Variants in MDM1 observed in about 807,000 individuals in gnomAD.
MDM1 encodes Mdm1 nuclear protein.
In MDM1, 61 loss-of-function variants were observed where a neutral mutation model predicts 89.1. That is an observed-to-expected ratio of 0.68 (90% CI 0.56 to 0.85). MDM1 has a LOEUF of 0.85. MDM1 is among the 40% of genes least tolerant of loss of function. MDM1 has a pLI of 0.00. For synonymous variants in MDM1, 290 were observed against 294.1 expected (o/e 0.99, Z 0.14); for missense variants, 820 against 846.5 (o/e 0.97, Z 0.39).
At chr12:68,309,179 T>C (rs1176628608) in intron 12 of MDM1, among the ~76,000 whole-genome samples, 2 of 152,232 alleles carry the variant, frequency 1.3e-5, no homozygotes, top group South Asian at 2.1e-4. Context: ...TCCAGCCTCA[T>C]GTTGTACCAG....
At position 68,294,596 on chromosome 12, in the gene MDM1, C is replaced by T. The variant is rs1237396428; in HGVS notation, c.*658G>A. The T allele has an allele frequency of 6.6e-6, 1 of 152,142 alleles. No homozygotes were observed. Among genetic ancestry groups the T allele is most frequent in the Non-Finnish European group, 1.5e-5 (1 of 68,000 alleles). 9.4% of individuals were successfully genotyped at this position (152,142 alleles called of 1,614,324 possible). A position where few individuals can be genotyped will look rare whatever the true frequency, so the allele number is the denominator to read the frequency against. The stretch of plus-strand genomic sequence containing the variant: ...TTGATCCATTTTTATTTCAAAATGT[C>T]TACAAAGTTTTAATTCTCCATTATA... On this transcript the variant is annotated 3_prime_UTR_variant, in exon 15 of 15. Transcript: ENST00000682720.
At chr12:68,313,376 C>T in intron 12 of MDM1, 67 bp downstream of exon 12, 1 of 1,094,356 alleles carries the variant, frequency 9.1e-7, no homozygotes, top group Admixed American at 1.9e-5. Flanking sequence ...ACCCATCATT[C>T]ATTTATTACA....
At chr12:68,318,682 T>A (rs1874816533) in intron 7 of MDM1, among the ~76,000 whole-genome samples, 1 of 152,130 alleles carries the variant, frequency 6.6e-6, no homozygotes, top group Non-Finnish European at 1.5e-5. Context: ...GAACAATCCC[T>A]ATAGCCAACT....
chr12:68,325,300 G>A, intron 4 of MDM1, 141 bp downstream of exon 4: 1 of 1,347,380 alleles, frequency 7.4e-7, no homozygotes, highest in Non-Finnish European at 9.6e-7. Context: ...GATGATTTTA[G>A]CAAAACTCTC....
At chr12:68,314,809 GCCT>G (rs1433643650) in intron 10 of MDM1, 136 bp downstream of exon 10, 5 of 729,742 alleles carry the variant, frequency 6.9e-6, no homozygotes, top group Non-Finnish European at 1.1e-5. Context: ...ATACAGCAGT[GCCT>G]CCTTTGTGAC....
chr12:68,295,077 A>G lies in MDM1; in HGVS notation c.*177T>C. 2.4e-6 allele frequency: 1 copy of G among 415,388 alleles called. No individual in the cohort carries two copies. The highest frequency in any genetic ancestry group is 2.1e-5 in the African/African-American group (1 of 48,626). The allele number at this position is 415,388 out of a possible 1,614,324, so 25.7% of individuals were successfully genotyped here. A position where few individuals can be genotyped will look rare whatever the true frequency, so the allele number is the denominator to read the frequency against. On this transcript the variant is annotated 3_prime_UTR_variant, in exon 15 of 15. Coordinates refer to ENST00000682720, the MANE Select transcript of MDM1 (RefSeq NM_001354969.2). ...GGGATAGATGTAAAAAGAATTCTTT[A>G]AAAGTTAAATTTGTATAAGCCTATG...
intron 14 of MDM1, 67 bp from the exon 15 acceptor site, chr12:68,295,433 T>C: frequency 7.0e-6 from 7 of 998,184 alleles, no homozygotes; most frequent in South Asian, 1.5e-5. Flanking sequence ...CATTGTGTTT[T>C]ATATAACAGA....
In MDM1 at chr12:68,326,744, A is replaced by G; in HGVS notation, c.411T>C (p.Asn137=). The G allele has an allele frequency of 6.2e-7, 1 of 1,614,080 alleles. No homozygotes were observed. ...CTGGTGTATGGTTTGTTACACCCTC[A>G]TTATTTTCCACATCTGAAGCCCCTT... The part of the protein sequence containing the change: ...RAEGASDVEN[N]EGVTNHTPVN... The change falls in exon 3 of 15, where the codon AAT becomes AAC. Residue 137 remains asparagine (N), a synonymous_variant. Coordinates refer to ENST00000682720, the MANE Select transcript of MDM1 (RefSeq NM_001354969.2).
Position 68,297,586 on chromosome 12 carries a change from T to C in MDM1, c.2003-604A>G, listed in dbSNP as rs150968383. Among the ~76,000 whole-genome samples, 243 of 152,304 alleles carry C rather than the reference T, an allele frequency of 1.6e-3. 1 individual carries two copies. The highest frequency in any genetic ancestry group is 5.7e-3 in the African/African-American group (235 of 41,568). The stretch of plus-strand genomic sequence containing the variant: ...TGAACCAGGAAGCTGCCTAAATATG[T>C]TTTTACAAAAATAGTTAATATGCCA... On this transcript the variant is annotated intron_variant, in intron 13 of 14. Transcript: ENST00000682720.
At chr12:68,314,866 G>A in intron 10 of MDM1, 82 bp downstream of exon 10, 7 of 1,196,954 alleles carry the variant, frequency 5.8e-6, no homozygotes, top group Non-Finnish European at 8.3e-6. Context: ...AATCAAAAGA[G>A]TAAACCACTA....
At chr12:68,331,835 C>A (rs963237299) in intron 1 of MDM1, among the ~76,000 whole-genome samples, 1 of 152,176 alleles carries the variant, frequency 6.6e-6, no homozygotes, top group Non-Finnish European at 1.5e-5. Flanking sequence ...ATTTCTCAAG[C>A]CTTTAAAAGC....
In MDM1 at chr12:68,325,523, T is replaced by G. The variant is rs141350676; in HGVS notation, c.551A>C (p.Asn184Thr). 1.1e-5 allele frequency: 18 copies of G among 1,598,952 alleles called. No individual in the cohort carries two copies. In the Middle Eastern group the frequency reaches 5.1e-4, roughly 46 times the overall value. The change falls in exon 4 of 15, where the codon AAT becomes ACT. Residue 184 changes from asparagine (N) to threonine (T), a missense_variant. Transcript: ENST00000682720. Reference sequence around the variant, plus strand: ...TTGATATTCAGAATTTCTCAAGGCATTATATGAAGGAACAACAGTCAATCC... The same window carrying G: ...TTGATATTCAGAATTTCTCAAGGCAGTATATGAAGGAACAACAGTCAATCC... ...KAGLTVVPSY[N>T]ALRNSEYQRQ... is the part of the protein sequence containing the mutation.
intron 4 of MDM1, among the ~76,000 whole-genome samples, chr12:68,324,299 C>T (rs1875649957): frequency 6.6e-6 from 1 of 151,968 alleles, no homozygotes; most frequent in Non-Finnish European, 1.5e-5. Context: ...CTATAAAAAA[C>T]TGAATAATTA....
chr12:68,316,260 A>G lies in MDM1; in HGVS notation c.1036-7T>C, dbSNP rs1241185791. On this transcript the variant is annotated splice_polypyrimidine_tract_variant and splice_region_variant and intron_variant, in intron 8 of 14. Transcript: ENST00000682720. The stretch of plus-strand genomic sequence containing the variant: ...TTTCTCGGAGTTCTTTAACCTATTC[A>G]GGAGAGTTCAGACATCATATACTAT... 6.2e-7 allele frequency: 1 copy of G among 1,610,172 alleles called. No individual in the cohort carries two copies. The highest frequency in any genetic ancestry group is 8.5e-7 in the Non-Finnish European group (1 of 1,178,120).
At chr12:68,310,288 G>T (rs1437006180) in intron 12 of MDM1, among the ~76,000 whole-genome samples, 5 of 152,166 alleles carry the variant, frequency 3.3e-5, no homozygotes, top group African/African-American at 4.8e-5. Flanking sequence ...TATTTTAGAG[G>T]AGTTGGTAAT....
chr12:68,306,413 T>C (rs891334559), intron 12 of MDM1, among the ~76,000 whole-genome samples: 12 of 151,616 alleles, frequency 7.9e-5, no homozygotes, highest in Admixed American at 2.6e-4. Flanking sequence ...AAATTGACAA[T>C]TGGGACTTTT....
At chr12:68,327,649 A>G (rs1876204543) in intron 2 of MDM1, 1 of 769,448 alleles carries the variant, frequency 1.3e-6, no homozygotes, top group Admixed American at 2.3e-5. Flanking sequence ...AGCCACTGAG[A>G]GACTGCCCTA....
At chr12:68,325,652 C>T in intron 3 of MDM1, 77 bp from the exon 4 acceptor site, 1 of 1,402,848 alleles carries the variant, frequency 7.1e-7, no homozygotes. Context: ...GTAAAAAATG[C>T]ATAACATGAA....
intron 12 of MDM1, 61 bp downstream of exon 12, chr12:68,313,382 T>C (rs1395317865): frequency 4.4e-6 from 5 of 1,146,068 alleles, no homozygotes; most frequent in Non-Finnish European, 6.5e-6. Context: ...CATTCATTTA[T>C]TACATGTGTC....
Sources: allele counts gnomAD v4.1 joint callset (sites outside exome capture counted in the v4.1 genomes callset), GRCh38; gene constraint gnomAD v4.1.1; transcripts MANE v1.5; gene names NCBI Gene and HGNC (gene_info 2026-07-23, HGNC 2026-07-21).